DVL3: variants seen among roughly 807,000 people sequenced by gnomAD.
DVL3 encodes segment polarity protein dishevelled homolog DVL-3.
Under a neutral mutation model 67.4 loss-of-function variants are expected in DVL3, and 27 were observed. The observed-to-expected ratio is 0.40, with a 90% CI of 0.30 to 0.55. The LOEUF (loss-of-function observed/expected upper bound fraction) is 0.55. Ranked by LOEUF, DVL3 falls within the 20% of genes least tolerant of loss-of-function variation. The pLI is 0.46. For synonymous variants in DVL3, 369 were observed against 396.8 expected (o/e 0.93, Z 0.83); for missense variants, 819 against 1,021.5 (o/e 0.80, Z 2.70).
rs750502107 is a variant in DVL3 at position 184,166,221 on chromosome 3, G to A, written c.859G>A (p.Val287Met). The A allele has an allele frequency of 1.4e-5, 22 of 1,612,970 alleles. No homozygotes were observed. Among genetic ancestry groups the A allele is most frequent in the East Asian group, 2.2e-5 (1 of 44,900 alleles). ...TGGCTCTATCATGAAGGGTGGGGCC[G>A]TGGCTGCTGATGGACGCATCGAGCC... ...YIGSIMKGGA[V>M]AADGRIEPGD... Residue 287 changes from valine (V) to methionine (M), a missense_variant, in exon 8 of 15, where the codon GTG becomes ATG. Val to Met is a conservative substitution (Grantham distance 21). Around this residue, in one of 3 missense-constraint regions of DVL3, gnomAD observed 385 missense variants for 486.8 expected, o/e 0.79. Transcript: ENST00000313143. The surrounding 1 kb of genome is among the most constrained non-coding windows in gnomAD (Gnocchi z 6.7).
chr3:184,160,317 T>G (rs918796150), intron 1 of DVL3, among the ~76,000 whole-genome samples: 2 of 152,164 alleles, frequency 1.3e-5, no homozygotes, highest in Non-Finnish European at 2.9e-5. Flanking sequence ...CCCTTAATAA[T>G]GTATACGTAG....
chr3:184,159,696 C>T (rs1412662575), intron 1 of DVL3, among the ~76,000 whole-genome samples: 1 of 151,960 alleles, frequency 6.6e-6, no homozygotes, highest in Non-Finnish European at 1.5e-5. Context: ...ACCTGTGTAA[C>T]ACTCAGCAGA....
chr3:184,170,533 C>A lies in DVL3; in HGVS notation c.1929C>A (p.Ser643Arg), dbSNP rs755955494. 3 of 1,610,986 alleles carry A rather than the reference C, an allele frequency of 1.9e-6. No homozygotes were observed. In the African/African-American group the frequency reaches 4.0e-5, roughly 22 times the overall value. ...SHRSHHSLAS[S>R]LRSHHTHPSY... Reference sequence around the variant, plus strand: ...GCAGCCACCATTCCCTGGCCAGCAGCCTTCGCAGCCACCACACACACCCGA... The same window carrying A: ...GCAGCCACCATTCCCTGGCCAGCAGACTTCGCAGCCACCACACACACCCGA... Residue 643 changes from serine to arginine, a missense_variant, in exon 15 of 15, where the codon AGC becomes AGA. This residue lies in a region of DVL3 where 324 missense variants were observed against 331.3 expected (regional missense o/e 0.98). Coordinates refer to ENST00000313143, the MANE Select transcript of DVL3 (RefSeq NM_004423.4). This position sits in a 1 kb window ranked among gnomAD's most constrained non-coding sequence, Gnocchi z 6.5.
rs558770370 is a variant in DVL3 at position 184,167,007 on chromosome 3, C to G, written c.1198+32C>G. On this transcript the variant is annotated intron_variant, in intron 11 of 14. Transcript: ENST00000313143. The surrounding 1 kb of genome is among the most constrained non-coding windows in gnomAD (Gnocchi z 4.6). ...GTCCCACCCTGTCTCCTGGGCCCAG[C>G]AGACAGGGCCAGGTGGGGGGACTGA... is the stretch of plus-strand genomic sequence containing the variant. The G allele has an allele frequency of 6.2e-7, 1 of 1,609,464 alleles. No individual in the cohort carries two copies. The highest frequency in any genetic ancestry group is 8.5e-7 in the Non-Finnish European group (1 of 1,176,950).
intron 1 of DVL3, among the ~76,000 whole-genome samples, chr3:184,158,614 G>A (rs1714277053): frequency 6.6e-6 from 1 of 152,086 alleles, no homozygotes; most frequent in Non-Finnish European, 1.5e-5. Flanking sequence ...AGTGACCCTA[G>A]AGGAAGGAAA....
At chr3:184,168,254 C>G (rs886742473) in intron 13 of DVL3, among the ~76,000 whole-genome samples, 189 bp downstream of exon 13, 1 of 152,216 alleles carries the variant, frequency 6.6e-6, no homozygotes, top group Admixed American at 6.5e-5. Flanking sequence ...ACATCTCCCT[C>G]TTGGGCCTGG....
intron 1 of DVL3, among the ~76,000 whole-genome samples, chr3:184,156,197 C>T (rs563175337): frequency 5.3e-4 from 80 of 152,270 alleles, no homozygotes; most frequent in African/African-American, 1.9e-3. Flanking sequence ...TCGTGTGGCC[C>T]TCGTTCTTCG....
Position 184,166,218 on chromosome 3 carries a change from G to T in DVL3, c.856G>T (p.Ala286Ser), listed in dbSNP as rs879163426. 6.2e-7 allele frequency: 1 copy of T among 1,613,206 alleles called. No homozygotes were observed. The highest frequency in any genetic ancestry group is 8.5e-7 in the Non-Finnish European group (1 of 1,179,812). ...IYIGSIMKGG[A>S]VAADGRIEPG... is the part of the protein sequence containing the mutation. ...CATTGGCTCTATCATGAAGGGTGGGGCCGTGGCTGCTGATGGACGCATCGA... is the reference window on the plus strand; with the variant it reads ...CATTGGCTCTATCATGAAGGGTGGGTCCGTGGCTGCTGATGGACGCATCGA... The change falls in exon 8 of 15, where the codon GCC (alanine) becomes TCC (serine). Residue 286 changes from alanine (A) to serine (S), a missense_variant. Transcript: ENST00000313143. This position sits in a 1 kb window ranked among gnomAD's most constrained non-coding sequence, Gnocchi z 6.7.
Position 184,167,821 on chromosome 3 carries a change from C to T in DVL3, c.1331-77C>T, listed in dbSNP as rs1247760537. ...CCTTCCTTTGATCTGGAGCCAGCCCCAGCCTCATAGCTTCTGTGAGGCCAG... is the reference window on the plus strand; with the variant it reads ...CCTTCCTTTGATCTGGAGCCAGCCCTAGCCTCATAGCTTCTGTGAGGCCAG... On this transcript the variant is annotated intron_variant, in intron 12 of 14. Transcript: ENST00000313143. This position sits in a 1 kb window ranked among gnomAD's most constrained non-coding sequence, Gnocchi z 4.6. 4 of 1,607,774 alleles carry T rather than the reference C, an allele frequency of 2.5e-6. No individual in the cohort carries two copies. The highest frequency in any genetic ancestry group is 1.3e-5 in the African/African-American group (1 of 74,838).
At chr3:184,159,656 G>A (rs1320544918) in intron 1 of DVL3, among the ~76,000 whole-genome samples, 1 of 151,068 alleles carries the variant, frequency 6.6e-6, no homozygotes, top group Non-Finnish European at 1.5e-5. Context: ...GAGCCACCGT[G>A]CCTGGTATAT....
Position 184,166,498 on chromosome 3 carries a change from T to C in DVL3, c.956T>C (p.Leu319Pro), listed in dbSNP as rs1333002738. ...AGTAATGACGATGCAGTCCGGGTAC[T>C]GCGGGAGATTGTGCACAAACCGGGG... ...NMSNDDAVRV[L>P]REIVHKPGPI... The change falls in exon 9 of 15, where the codon CTG becomes CCG. Residue 319 changes from leucine to proline, a missense_variant. Leu to Pro is a moderately conservative substitution (Grantham distance 98, BLOSUM62 -3). Coordinates refer to ENST00000313143, the MANE Select transcript of DVL3 (RefSeq NM_004423.4). This position sits in a 1 kb window ranked among gnomAD's most constrained non-coding sequence, Gnocchi z 6.7. The C allele has an allele frequency of 6.2e-7, 1 of 1,614,164 alleles. No individual in the cohort carries two copies. The highest frequency in any genetic ancestry group is 1.1e-5 in the South Asian group (1 of 91,084).
intron 1 of DVL3, among the ~76,000 whole-genome samples, chr3:184,161,167 C>T (rs566694006): frequency 2.7e-4 from 41 of 152,352 alleles, no homozygotes; most frequent in Non-Finnish European, 5.4e-4. Flanking sequence ...CGGCTCACGC[C>T]TGTAATCCCA....
Position 184,163,827 on chromosome 3 carries a change from T to TA in DVL3, c.231+101_231+102insA. On this transcript the variant is annotated intron_variant, in intron 2 of 14. Transcript: ENST00000313143. The surrounding 1 kb of genome is among the most constrained non-coding windows in gnomAD (Gnocchi z 4.5). Reference sequence around the variant, plus strand: ...TAGCTGGTGGTTTTAAGCTTCAGTATCTGAATCTTTCTTTAGTTTTGCAAA... The same window carrying TA: ...TAGCTGGTGGTTTTAAGCTTCAGTATACTGAATCTTTCTTTAGTTTTGCAAA... The TA allele has an allele frequency of 9.9e-7, 1 of 1,009,468 alleles. No homozygotes were observed. Among genetic ancestry groups the TA allele is most frequent in the Non-Finnish European group, 1.5e-6 (1 of 659,062 alleles). 62.5% of individuals were successfully genotyped at this position (1,009,468 alleles called of 1,614,324 possible).
At chr3:184,162,677 A>G (rs950830573) in intron 1 of DVL3, among the ~76,000 whole-genome samples, 1 of 148,900 alleles carries the variant, frequency 6.7e-6, no homozygotes, top group Non-Finnish European at 1.5e-5. Context: ...CGCCTGCCTT[A>G]GCCTCCCAAG....
chr3:184,160,040 C>G (rs1687256), intron 1 of DVL3, among the ~76,000 whole-genome samples: 1 of 151,464 alleles, frequency 6.6e-6, no homozygotes, highest in Non-Finnish European at 1.5e-5. Flanking sequence ...CCTGGGTTCA[C>G]GCCATTCTCC....
chr3:184,170,994 A>G lies in DVL3; in HGVS notation c.*239A>G. The G allele has an allele frequency of 6.8e-7, 1 of 1,473,152 alleles. No homozygotes were observed. The allele number at this position is 1,473,152 out of a possible 1,614,324, so 91.3% of individuals were successfully genotyped here. On this transcript the variant is annotated 3_prime_UTR_variant, in exon 15 of 15. Transcript: ENST00000313143. This position sits in a 1 kb window ranked among gnomAD's most constrained non-coding sequence, Gnocchi z 6.5. ...TTCCTCTGCCCACTAATCCCTGCGC[A>G]GGACTTCCCAGGACCCCTTTTGTCT...
rs1017160965 is a variant in DVL3, at chr3:184,170,842, G to A, written c.*87G>A. The A allele has an allele frequency of 3.2e-6, 5 of 1,570,176 alleles. No homozygotes were observed. The highest frequency in any genetic ancestry group is 3.8e-5 in the Admixed American group (2 of 52,662). On this transcript the variant is annotated 3_prime_UTR_variant, in exon 15 of 15. Transcript: ENST00000313143. This position sits in a 1 kb window ranked among gnomAD's most constrained non-coding sequence, Gnocchi z 6.5. ...TCCGTCCGTCTTTTTTACTTTGTCT[G>A]GTACCTGAAAGGGAAATAAAAGGAA... is the stretch of plus-strand genomic sequence containing the variant.
chr3:184,168,718 C>G (rs1046856045), intron 13 of DVL3, among the ~76,000 whole-genome samples: 1 of 152,186 alleles, frequency 6.6e-6, no homozygotes, highest in East Asian at 1.9e-4. Context: ...GGCCGGTGGC[C>G]TCAAGGGCAG....
In DVL3 at chr3:184,166,733, C is replaced by T; in HGVS notation, c.1048+60C>T. Reference sequence around the variant, plus strand: ...GCTTACATACATGAGCACTGTCTCTCCTTTCTTCTCTCACCCAGAACCCCC... The same window carrying T: ...GCTTACATACATGAGCACTGTCTCTTCTTTCTTCTCTCACCCAGAACCCCC... On this transcript the variant is annotated intron_variant, in intron 10 of 14. Coordinates refer to ENST00000313143, the MANE Select transcript of DVL3 (RefSeq NM_004423.4). The surrounding 1 kb of genome is among the most constrained non-coding windows in gnomAD (Gnocchi z 6.7). The T allele has an allele frequency of 6.2e-7, 1 of 1,612,234 alleles. No individual in the cohort carries two copies. The highest frequency in any genetic ancestry group is 8.5e-7 in the Non-Finnish European group (1 of 1,178,968).
Sources: gnomAD v4.1 joint callset for allele counts (sites outside exome capture counted in the v4.1 genomes callset) on GRCh38, gnomAD v4.1.1 for gene constraint, gnomAD v4.1.1 regional missense constraint, Gnocchi (gnomAD v3.1) non-coding constraint, MANE v1.5 for transcripts, NCBI Gene and HGNC (gene_info 2026-07-23, HGNC 2026-07-21) for gene names.